KLHL29: variants seen among roughly 807,000 people sequenced by gnomAD.
KLHL29 encodes kelch-like protein 29.
A neutral mutation model predicts 80.4 loss-of-function variants in KLHL29; 21 were observed. The ratio of observed to expected loss-of-function variants is 0.26; its 90% CI spans 0.19 to 0.38. KLHL29 has a LOEUF of 0.38. KLHL29 is among the 10% of genes least tolerant of loss of function. The pLI, the probability that KLHL29 is intolerant of heterozygous loss-of-function variation, is 1.00. For missense variants in KLHL29, 867 were observed against 1,223.9 expected, an observed-to-expected ratio of 0.71 and a Z score of 4.35; for synonymous variants, 511 against 526.8, an observed-to-expected ratio of 0.97 and a Z score of 0.41.
At chr2:23,592,026 C>T (rs1038026265) in intron 3 of KLHL29, among the ~76,000 whole-genome samples, 10 of 152,354 alleles carry the variant, frequency 6.6e-5, no homozygotes, top group African/African-American at 9.6e-5. Context: ...ACTTGGAGCA[C>T]GGAAGGTTTT....
At chr2:23,386,923 T>G (rs1666197269) in intron 1 of KLHL29, among the ~76,000 whole-genome samples, 1 of 151,984 alleles carries the variant, frequency 6.6e-6, no homozygotes. Flanking sequence ...CTCGGATGCC[T>G]GGGTCCACCC....
intron 5 of KLHL29, among the ~76,000 whole-genome samples, chr2:23,683,884 A>G (rs1414194541): frequency 1.3e-5 from 2 of 152,080 alleles, no homozygotes; most frequent in African/African-American, 2.4e-5. Context: ...CTCCCACGCC[A>G]TGGCTGTGAG....
intron 1 of KLHL29, among the ~76,000 whole-genome samples, chr2:23,415,847 C>T (rs960437149): frequency 6.6e-6 from 1 of 152,018 alleles, no homozygotes; most frequent in African/African-American, 2.4e-5. Context: ...CACAGGTGTG[C>T]ACCACCACAC....
At chr2:23,478,179 C>T (rs1382124338) in intron 2 of KLHL29, among the ~76,000 whole-genome samples, 1 of 152,116 alleles carries the variant, frequency 6.6e-6, no homozygotes, top group African/African-American at 2.4e-5. Context: ...CTCTGTGTTC[C>T]GCTCCCTCTG....
At chr2:23,509,561 G>GAA (rs141767251) in intron 2 of KLHL29, among the ~76,000 whole-genome samples, 21 of 149,960 alleles carry the variant, frequency 1.4e-4, no homozygotes, top group African/African-American at 5.1e-4. Flanking sequence ...CCTTTCAAAT[G>GAA]AAAAAAAAAT....
At chr2:23,687,865 C>T (rs544232202) in intron 6 of KLHL29, among the ~76,000 whole-genome samples, 1 of 152,266 alleles carries the variant, frequency 6.6e-6, no homozygotes, top group East Asian at 1.9e-4. Flanking sequence ...TCACAGGAGC[C>T]TGGGGGCGTT....
chr2:23,580,535 C>T (rs1403540796), intron 3 of KLHL29, among the ~76,000 whole-genome samples: 1 of 57,756 alleles, frequency 1.7e-5, no homozygotes, highest in Non-Finnish European at 4.3e-5. Context: ...ATTAGCTTAG[C>T]GTGGTGGCAG....
intron 1 of KLHL29, among the ~76,000 whole-genome samples, chr2:23,401,746 T>C (rs1666603915): frequency 6.6e-6 from 1 of 152,230 alleles, no homozygotes; most frequent in African/African-American, 2.4e-5. Flanking sequence ...AAGGAGCCTC[T>C]GTCCGGCTGG....
chr2:23,501,766 G>C (rs1219930330), intron 2 of KLHL29, among the ~76,000 whole-genome samples: 1 of 152,142 alleles, frequency 6.6e-6, no homozygotes, highest in Non-Finnish European at 1.5e-5. Context: ...CGAAATGCCT[G>C]GATCTTTGGC....
chr2:23,573,314 T>C (rs563390807), intron 3 of KLHL29, among the ~76,000 whole-genome samples: 1 of 152,356 alleles, frequency 6.6e-6, no homozygotes, highest in African/African-American at 2.4e-5. Context: ...GTAATTACTT[T>C]GTTGCAGGCA....
At chr2:23,510,756 G>A (rs541223918) in intron 2 of KLHL29, among the ~76,000 whole-genome samples, 169 of 152,278 alleles carry the variant, frequency 1.1e-3, no homozygotes, top group African/African-American at 3.8e-3. Context: ...AGTGGTGGCT[G>A]GATCCCAAGG....
At chr2:23,602,561 G>C (rs1353284660) in intron 3 of KLHL29, among the ~76,000 whole-genome samples, 2 of 152,022 alleles carry the variant, frequency 1.3e-5, no homozygotes, top group Non-Finnish European at 2.9e-5. Flanking sequence ...CTTAAAAGCA[G>C]GTGAATGTCC....
intron 6 of KLHL29, chr2:23,691,413 T>C (rs1671592207): frequency 3.7e-6 from 2 of 540,314 alleles, no homozygotes; most frequent in Non-Finnish European, 6.7e-6. Context: ...CCATAGCTCA[T>C]GCTTTTTGAT....
intron 2 of KLHL29, among the ~76,000 whole-genome samples, chr2:23,485,248 C>CGG (rs1664904117): frequency 6.6e-6 from 1 of 152,230 alleles, no homozygotes; most frequent in Admixed American, 6.5e-5. Context: ...AGGAGACTAC[C>CGG]GGGAGTCTTT....
chr2:23,582,005 T>G (rs1290434850), intron 3 of KLHL29, among the ~76,000 whole-genome samples: 1 of 152,170 alleles, frequency 6.6e-6, no homozygotes, highest in African/African-American at 2.4e-5. Flanking sequence ...CTTCTCCATC[T>G]GAGTCCAACC....
At chr2:23,422,051 G>A (rs1218506597) in intron 1 of KLHL29, among the ~76,000 whole-genome samples, 1 of 151,766 alleles carries the variant, frequency 6.6e-6, no homozygotes, top group Non-Finnish European at 1.5e-5. Context: ...TCATGTGTTT[G>A]TGTGTCTCTG....
chr2:23,422,293 G>T (rs984615982), intron 1 of KLHL29, among the ~76,000 whole-genome samples: 2 of 151,084 alleles, frequency 1.3e-5, no homozygotes, highest in African/African-American at 4.9e-5. Flanking sequence ...GTGTCTCTGT[G>T]CATTTTGTGT....
intron 2 of KLHL29, among the ~76,000 whole-genome samples, chr2:23,483,984 C>G: frequency 6.6e-6 from 1 of 152,192 alleles, no homozygotes; most frequent in East Asian, 1.9e-4. Flanking sequence ...CAGGCATTGA[C>G]CATCTGCTGG....
chr2:23,534,998 A>G (rs1312430742), intron 2 of KLHL29, among the ~76,000 whole-genome samples: 2 of 152,244 alleles, frequency 1.3e-5, no homozygotes, highest in Non-Finnish European at 2.9e-5. Flanking sequence ...GGTCTGTATC[A>G]TGATTGGGGT....
Sources: allele counts gnomAD v4.1 joint callset (sites outside exome capture counted in the v4.1 genomes callset), GRCh38; gene constraint gnomAD v4.1.1; transcripts MANE v1.5; gene names NCBI Gene and HGNC (gene_info 2026-07-23, HGNC 2026-07-21).